The following MYRFL variants were observed in gnomAD, a reference collection of about 807,000 sequenced individuals.
The protein encoded by MYRFL is myelin regulatory factor like, also known as myelin regulatory factor-like protein.
MYRFL carries 88 observed loss-of-function variants against 109.4 expected under a neutral mutation model. The observed-to-expected ratio is 0.80, with a 90% CI of 0.68 to 0.96. The LOEUF is 0.96. MYRFL is among the 40% of genes least tolerant of loss of function. The pLI is 0.00. For missense variants in MYRFL, 957 were observed against 954.9 expected (o/e 1.00, Z -0.03); for synonymous variants, 324 against 320.9 (o/e 1.01, Z -0.10).
chr12:69,897,208 C>T lies in MYRFL; in HGVS notation c.1144C>T (p.Leu382=). Residue 382 remains leucine, a synonymous_variant, in exon 10 of 25, where the codon CTG becomes TTG. Transcript: ENST00000552032. ...LYAANQDQFY[L]LSAHISERII... ...TGCTGCTAACCAAGACCAGTTCTAT[C>T]TGTTGTCTGCCCACATCTCTGAAAG... 6.5e-7 allele frequency: 1 copy of T among 1,535,812 alleles called. No individual in the cohort carries two copies. Among genetic ancestry groups the T allele is most frequent in the Non-Finnish European group, 8.7e-7 (1 of 1,146,646 alleles).
At chr12:69,892,370 A>AG (rs1161844842) in intron 7 of MYRFL, among the ~76,000 whole-genome samples, 1 of 152,186 alleles carries the variant, frequency 6.6e-6, no homozygotes, top group Non-Finnish European at 1.5e-5. Context: ...AGTTCCTAAG[A>AG]GGGAGAAGCA....
chr12:69,874,160 G>A (rs1026972542), intron 2 of MYRFL, among the ~76,000 whole-genome samples: 1 of 152,086 alleles, frequency 6.6e-6, no homozygotes, highest in Non-Finnish European at 1.5e-5. Context: ...GCACTCAAAT[G>A]TATTTTATTT....
intron 16 of MYRFL, among the ~76,000 whole-genome samples, chr12:69,933,350 T>C (rs1453601972): frequency 6.6e-6 from 1 of 152,198 alleles, no homozygotes; most frequent in African/African-American, 2.4e-5. Context: ...CCGTCTTCTC[T>C]GGGCCTTTGA....
intron 6 of MYRFL, among the ~76,000 whole-genome samples, chr12:69,888,502 C>T (rs1353287424): frequency 2.6e-5 from 4 of 152,148 alleles, no homozygotes; most frequent in Non-Finnish European, 5.9e-5. Flanking sequence ...TTTTAAAAAG[C>T]CAGTTTAATT....
chr12:69,891,687 TTCGTTC>T lies in MYRFL; in HGVS notation c.903+522_903+527del, dbSNP rs1566002891. ...TTTCTTTCTTTCTTTCTTTCTTTCG[TTCGTTC>T]GTTCTTTCTTTCTTTTTTTCTTTGA... On this transcript the variant is annotated intron_variant, in intron 7 of 24. Transcript: ENST00000552032. Among the ~76,000 whole-genome samples the T allele has an allele frequency of 3.5e-3, 430 of 123,210 alleles. 26 individuals are homozygous for T. The highest frequency in any genetic ancestry group is 9.5e-3 in the African/African-American group (274 of 28,904). The allele number at this position is 123,210 out of a possible 152,430, so 80.8% of individuals were successfully genotyped here. A position where few individuals can be genotyped will look rare whatever the true frequency, so the allele number is the denominator to read the frequency against.
intron 10 of MYRFL, among the ~76,000 whole-genome samples, chr12:69,897,672 T>TTA (rs1466245220): frequency 1.3e-5 from 2 of 152,234 alleles, no homozygotes; most frequent in Non-Finnish European, 2.9e-5. Flanking sequence ...ATTACATTAT[T>TTA]TATACCCAGA....
chr12:69,848,437 C>T (rs1357881641), intron 1 of MYRFL, among the ~76,000 whole-genome samples: 3 of 151,982 alleles, frequency 2.0e-5, no homozygotes, highest in Non-Finnish European at 4.4e-5. Flanking sequence ...TATTCATCTT[C>T]TCTTCATTCT....
chr12:69,933,209 C>T (rs1321914322), intron 16 of MYRFL, among the ~76,000 whole-genome samples: 2 of 152,180 alleles, frequency 1.3e-5, no homozygotes, highest in African/African-American at 4.8e-5. Context: ...CTCTGCAGCC[C>T]GCAAAGGCGG....
rs1169589425 is a variant in MYRFL, at chr12:69,941,702, A to C, written c.2224+5070A>C. Among the ~76,000 whole-genome samples the C allele has an allele frequency of 2.6e-4, 37 of 144,428 alleles. No individual in the cohort carries two copies. The East Asian group carries it at 7.2e-3, about 28-fold the overall frequency. 94.8% of individuals were successfully genotyped at this position (144,428 alleles called of 152,430 possible). On this transcript the variant is annotated intron_variant, in intron 19 of 24. Coordinates refer to ENST00000552032, the MANE Select transcript of MYRFL (RefSeq NM_182530.3). ...CTGAAATCAGAGCAGAACTGAAGGA[A>C]ATAGAGACACAAAAAACCCTTCAAA...
chr12:69,900,803 G>T (rs1053298436), intron 10 of MYRFL, among the ~76,000 whole-genome samples: 2 of 152,130 alleles, frequency 1.3e-5, no homozygotes, highest in Admixed American at 1.3e-4. Flanking sequence ...CCAATAACCT[G>T]CAGGGGGCGC....
At chr12:69,846,885 C>T (rs1178106787) in intron 1 of MYRFL, among the ~76,000 whole-genome samples, 2 of 151,844 alleles carry the variant, frequency 1.3e-5, no homozygotes, top group Non-Finnish European at 2.9e-5. Flanking sequence ...TTAATGATCA[C>T]CATTCTAACT....
chr12:69,944,355 TA>T (rs1329492002), intron 19 of MYRFL, among the ~76,000 whole-genome samples: 2 of 131,592 alleles, frequency 1.5e-5, no homozygotes, highest in Non-Finnish European at 3.2e-5. Flanking sequence ...TATGCAGCCA[TA>T]AAAAATGATG....
chr12:69,849,454 C>CTT (rs1295753642), intron 1 of MYRFL, among the ~76,000 whole-genome samples: 2 of 152,244 alleles, frequency 1.3e-5, no homozygotes, highest in African/African-American at 4.8e-5. Flanking sequence ...CTATGGTTTT[C>CTT]TTTATGCATT....
intron 11 of MYRFL, among the ~76,000 whole-genome samples, chr12:69,907,558 G>C (rs1566016308): frequency 6.6e-6 from 1 of 152,196 alleles, no homozygotes; most frequent in Non-Finnish European, 1.5e-5. Context: ...TGAGGAACTG[G>C]GTAGGGCCTA....
Position 69,864,876 on chromosome 12 carries a change from C to A in MYRFL, c.137+9506C>A, listed in dbSNP as rs1057231713. 7.4e-4 allele frequency among the ~76,000 whole-genome samples: 112 copies of A among 152,308 alleles called. 1 individual carries two copies. The highest frequency in any genetic ancestry group is 2.7e-3 in the African/African-American group (111 of 41,566). Reference sequence around the variant, plus strand: ...TCCTTTTCTCTGACCTGGAAGCAACCTGCCAAAAGTTGTATGGTCTCTCTC... The same window carrying A: ...TCCTTTTCTCTGACCTGGAAGCAACATGCCAAAAGTTGTATGGTCTCTCTC... On this transcript the variant is annotated intron_variant, in intron 2 of 24. Coordinates refer to ENST00000552032, the MANE Select transcript of MYRFL (RefSeq NM_182530.3).
chr12:69,891,643 TTC>T (rs1164219941), intron 7 of MYRFL, among the ~76,000 whole-genome samples: 1 of 90,454 alleles, frequency 1.1e-5, no homozygotes, highest in African/African-American at 4.9e-5. Flanking sequence ...TTCTTTTTCT[TTC>T]TTTCTTTCTT....
chr12:69,866,334 T>G (rs111527220), intron 2 of MYRFL, among the ~76,000 whole-genome samples: 35 of 152,076 alleles, frequency 2.3e-4, no homozygotes, highest in African/African-American at 8.2e-4. Flanking sequence ...GGAACTGCAA[T>G]AAAATCTCAG....
chr12:69,855,944 T>A (rs1884254274), intron 2 of MYRFL, among the ~76,000 whole-genome samples: 1 of 152,226 alleles, frequency 6.6e-6, no homozygotes, highest in Non-Finnish European at 1.5e-5. Context: ...TGGCCTTTTT[T>A]ATTTTTAATT....
At chr12:69,939,792 T>C (rs1955585266) in intron 19 of MYRFL, among the ~76,000 whole-genome samples, 1 of 151,768 alleles carries the variant, frequency 6.6e-6, no homozygotes, top group African/African-American at 2.4e-5. Flanking sequence ...TTGAAAACTT[T>C]GAAAAAAATT....
Sources: gnomAD v4.1 joint callset for allele counts (sites outside exome capture counted in the v4.1 genomes callset) on GRCh38, gnomAD v4.1.1 for gene constraint, MANE v1.5 for transcripts, NCBI Gene and HGNC (gene_info 2026-07-23, HGNC 2026-07-21) for gene names.